HCK: variants seen among roughly 807,000 people sequenced by gnomAD.
HCK encodes HCK proto-oncogene, Src family tyrosine kinase.
A neutral mutation model predicts 70.4 loss-of-function variants in HCK; 40 were observed. That is an observed-to-expected ratio of 0.57 (90% confidence interval 0.44 to 0.74). The LOEUF is 0.74. HCK is among the 30% of genes least tolerant of loss of function. The pLI is 0.00. For synonymous variants in HCK, 245 were observed against 263.2 expected (o/e 0.93, Z 0.67); for missense variants, 568 against 697.2 (o/e 0.81, Z 2.09).
intron 1 of HCK, 28 bp downstream of exon 1, chr20:32,052,514 A>T: frequency 7.9e-7 from 1 of 1,260,180 alleles, no homozygotes; most frequent in South Asian, 3.3e-5. Flanking sequence ...GGGACCGGGA[A>T]TACCCGGCCC....
At chr20:32,100,033 G>A (rs2122260572) in intron 12 of HCK, among the ~76,000 whole-genome samples, 1 of 152,014 alleles carries the variant, frequency 6.6e-6, no homozygotes, top group African/African-American at 2.4e-5. Flanking sequence ...CCGAGTATCT[G>A]GGACCATAGG....
At chr20:32,066,297 C>T (rs2045455828) in intron 1 of HCK, among the ~76,000 whole-genome samples, 1 of 127,964 alleles carries the variant, frequency 7.8e-6, no homozygotes, top group African/African-American at 2.9e-5. Flanking sequence ...TTGTGCCCTC[C>T]AGTGACTTTT....
chr20:32,092,223 G>C (rs2045874662), intron 10 of HCK, among the ~76,000 whole-genome samples: 1 of 152,144 alleles, frequency 6.6e-6, no homozygotes, highest in Non-Finnish European at 1.5e-5. Flanking sequence ...GTTATTTAGA[G>C]GCAGCAGGAT....
At chr20:32,101,237 TG>T in intron 12 of HCK, 79 bp from the exon 13 acceptor site, 1 of 1,274,124 alleles carries the variant, frequency 7.8e-7, no homozygotes, top group Non-Finnish European at 1.1e-6. Flanking sequence ...TGATGCCTGC[TG>T]GGGAGGCCAC....
At chr20:32,082,412 C>T (rs934624390) in intron 6 of HCK, among the ~76,000 whole-genome samples, 6 of 152,014 alleles carry the variant, frequency 3.9e-5, no homozygotes, top group Admixed American at 3.9e-4. Flanking sequence ...GAGGCTGAGG[C>T]ATGTGGATCA....
rs140779915 is a variant in HCK at position 32,066,554 on chromosome 20, C to T, written c.63-5108C>T. On this transcript the variant is annotated intron_variant, in intron 1 of 12. Coordinates refer to ENST00000375852, the MANE Select transcript of HCK (RefSeq NM_002110.5). ...TCTCGAACTCCTGACCTCAAGTGAT[C>T]CACCCACATCAGCCTCCTAAAGTGC... is the stretch of plus-strand genomic sequence containing the variant. Among the ~76,000 whole-genome samples the T allele has an allele frequency of 1.2e-4, 19 of 152,144 alleles. No individual in the cohort carries two copies. In the East Asian group the frequency reaches 3.7e-3, roughly 29 times the overall value.
chr20:32,088,586 T>C lies in HCK; in HGVS notation c.1034T>C (p.Leu345Pro), dbSNP rs755187545. The C allele has an allele frequency of 6.8e-6, 11 of 1,613,724 alleles. No homozygotes were observed. The highest frequency in any genetic ancestry group is 8.5e-7 in the Non-Finnish European group (1 of 1,179,958). The change falls in exon 10 of 13, where the codon CTG becomes CCG. Residue 345 changes from leucine to proline, a missense_variant. Transcript: ENST00000375852. ...CATATAGGAAGCTTGCTGGACTTTC[T>C]GAAAAGTGATGAGGGCAGCAAGCAG...
intron 9 of HCK, among the ~76,000 whole-genome samples, chr20:32,087,991 T>C (rs1311078704): frequency 6.6e-6 from 1 of 152,042 alleles, no homozygotes; most frequent in Non-Finnish European, 1.5e-5. Flanking sequence ...CCCCAGCTGG[T>C]CTCAAACTCC....
At chr20:32,059,546 C>T (rs367544269) in intron 1 of HCK, among the ~76,000 whole-genome samples, 149 of 148,914 alleles carry the variant, frequency 1.0e-3, no homozygotes, top group Middle Eastern at 3.4e-3. Flanking sequence ...GACAGGGTCT[C>T]GCTCTGTCTC....
chr20:32,084,320 C>T (rs1000545780), intron 7 of HCK, 71 bp from the exon 8 acceptor site: 24 of 1,477,954 alleles, frequency 1.6e-5, no homozygotes, highest in South Asian at 6.5e-5. Context: ...CCAGGTAGGG[C>T]GGCCTCCAAG....
rs1202354053 is a variant in HCK at position 32,083,880 on chromosome 20, T to C, written c.533-14T>C. 3.1e-6 allele frequency: 5 copies of C among 1,614,114 alleles called. No homozygotes were observed. The highest frequency in any genetic ancestry group is 2.2e-5 in the East Asian group (1 of 44,878). On this transcript the variant is annotated splice_polypyrimidine_tract_variant and intron_variant, in intron 6 of 12. Transcript: ENST00000375852. ...AAGATGCCATTCTGAGGGGTTTCTC[T>C]TTGGTCAATTCAGGAAGCTACTCTT...
intron 1 of HCK, among the ~76,000 whole-genome samples, chr20:32,067,939 A>T: frequency 6.6e-6 from 1 of 152,328 alleles, no homozygotes; most frequent in South Asian, 2.1e-4. Context: ...AAATAAATAC[A>T]TCTTAAAATT....
Position 32,086,620 on chromosome 20 carries a change from C to T in HCK, c.836-8C>T. On this transcript the variant is annotated splice_region_variant and splice_polypyrimidine_tract_variant and intron_variant, in intron 8 of 12. Transcript: ENST00000375852. Reference sequence around the variant, plus strand: ...TGACCACCTTCCCTGCTCTCTATCCCCCTCCAGCCACCTACAACAAGCACA... The same window carrying T: ...TGACCACCTTCCCTGCTCTCTATCCTCCTCCAGCCACCTACAACAAGCACA... The T allele has an allele frequency of 6.2e-7, 1 of 1,602,916 alleles. No individual in the cohort carries two copies. Among genetic ancestry groups the T allele is most frequent in the Non-Finnish European group, 8.5e-7 (1 of 1,175,084 alleles).
chr20:32,088,675 A>C, intron 10 of HCK, 31 bp downstream of exon 10: 1 of 1,581,594 alleles, frequency 6.3e-7, no homozygotes, highest in Non-Finnish European at 8.7e-7. Context: ...CGGGGAAGGG[A>C]AACAGGAATT....
intron 6 of HCK, among the ~76,000 whole-genome samples, chr20:32,082,162 C>T (rs117769099): frequency 4.6e-5 from 7 of 152,162 alleles, no homozygotes; most frequent in Non-Finnish European, 1.0e-4. Flanking sequence ...TTTCCTCATC[C>T]GTAAATGAGG....
intron 10 of HCK, among the ~76,000 whole-genome samples, chr20:32,091,130 G>A (rs749050407): frequency 6.6e-5 from 10 of 152,220 alleles, no homozygotes; most frequent in Non-Finnish European, 1.0e-4. Context: ...GAGCCATTTA[G>A]CTATTACCCT....
intron 1 of HCK, among the ~76,000 whole-genome samples, chr20:32,056,859 A>G (rs1221090710): frequency 6.6e-6 from 1 of 152,152 alleles, no homozygotes; most frequent in Non-Finnish European, 1.5e-5. Flanking sequence ...CCTATAAACC[A>G]CTGTATCTTC....
At chr20:32,084,179 T>G (rs979334473) in intron 7 of HCK, 136 bp downstream of exon 7, 3 of 1,120,382 alleles carry the variant, frequency 2.7e-6, no homozygotes, top group Non-Finnish European at 3.8e-6. Flanking sequence ...TGGATGCTTC[T>G]GAAGGCTTAG....
rs529274774 is a variant in HCK, at chr20:32,054,475, TAAAAAAAAAAAAAAAAAAAAAAAA to T, written c.62+2015_62+2038del. Among the ~76,000 whole-genome samples the T allele has an allele frequency of 6.9e-3, 109 of 15,864 alleles. 1 individual carries two copies. Among genetic ancestry groups the T allele is most frequent in the East Asian group, 0.048 (20 of 416 alleles). 10.4% of individuals were successfully genotyped at this position (15,864 alleles called of 152,430 possible). A position where few individuals can be genotyped will look rare whatever the true frequency, so the allele number is the denominator to read the frequency against. On this transcript the variant is annotated intron_variant, in intron 1 of 12. Coordinates refer to ENST00000375852, the MANE Select transcript of HCK (RefSeq NM_002110.5). ...TGGACAACAAAAGCGAAACTCCACC[TAAAAAAAAAAAAAAAAAAAAAAAA>T]AAAAAAAAAAAAAAAAAAAAAAAAA...
Sources: gnomAD v4.1 joint callset for allele counts (sites outside exome capture counted in the v4.1 genomes callset) on GRCh38, gnomAD v4.1.1 for gene constraint, MANE v1.5 for transcripts, NCBI Gene and HGNC (gene_info 2026-07-23, HGNC 2026-07-21) for gene names.